PRKCH: variants seen among roughly 807,000 people sequenced by gnomAD.
PRKCH encodes protein kinase C eta.
A neutral mutation model predicts 82.5 loss-of-function variants in PRKCH; 28 were observed. The ratio of observed to expected loss-of-function variants is 0.34; its 90% CI spans 0.25 to 0.47. PRKCH has a LOEUF of 0.47. Among genes scored for constraint, PRKCH ranks in the 20% least tolerant of loss-of-function variants. The probability of loss-of-function intolerance (pLI) is 1.00; values close to 1 mark genes in which losing one functional copy is unlikely to be tolerated. For synonymous variants in PRKCH, 322 were observed against 327.4 expected (o/e 0.98, Z 0.18); for missense variants, 705 against 881.8 (o/e 0.80, Z 2.54).
chr14:61,189,922 T>A (rs1377906826), intron 1 of PRKCH, among the ~76,000 whole-genome samples: 2 of 152,158 alleles, frequency 1.3e-5, no homozygotes, highest in African/African-American at 4.8e-5. Flanking sequence ...GATAGCCCTG[T>A]TTCTTTCTCT....
chr14:61,205,340 A>C (rs764781456), intron 1 of PRKCH, among the ~76,000 whole-genome samples: 8 of 152,200 alleles, frequency 5.3e-5, no homozygotes, highest in Non-Finnish European at 1.0e-4. Flanking sequence ...TTCTGACAGG[A>C]AACAGAAGTA....
chr14:61,515,044 G>A (rs1175314982), intron 10 of PRKCH, among the ~76,000 whole-genome samples: 2 of 152,144 alleles, frequency 1.3e-5, no homozygotes, highest in East Asian at 3.8e-4. Context: ...ATTTATCACA[G>A]AGTTGTTTAT....
chr14:61,327,562 C>G (rs2045714603), intron 1 of PRKCH, among the ~76,000 whole-genome samples: 1 of 152,234 alleles, frequency 6.6e-6, no homozygotes, highest in African/African-American at 2.4e-5. Context: ...CTTCTCATCA[C>G]AAACAGGTTG....
At chr14:61,470,254 G>A (rs1885439937) in intron 9 of PRKCH, among the ~76,000 whole-genome samples, 1 of 151,976 alleles carries the variant, frequency 6.6e-6, no homozygotes, top group Non-Finnish European at 1.5e-5. Context: ...TATTATAGGG[G>A]TTGGGAGGTT....
intron 1 of PRKCH, among the ~76,000 whole-genome samples, chr14:61,272,345 T>A (rs1208945197): frequency 1.4e-3 from 6 of 4,414 alleles, no homozygotes; most frequent in African/African-American, 3.7e-3. Flanking sequence ...TTTTTCTTTC[T>A]TTTTTTTTTT....
rs113433845 is a variant in PRKCH at position 61,287,820 on chromosome 14, G to A, written c.-19+100152G>A. ...GGAGGGGGACACCATGACAGTGTCTGTGGAGCCAGCCAATCTTTTGAGGCT... is the reference window on the plus strand; with the variant it reads ...GGAGGGGGACACCATGACAGTGTCTATGGAGCCAGCCAATCTTTTGAGGCT... On this transcript the variant is annotated intron_variant, in intron 1 of 3. Transcript: ENST00000555185. Among the ~76,000 whole-genome samples, 774 of 152,262 alleles carry A rather than the reference G, an allele frequency of 5.1e-3. 6 individuals carry two copies. Among genetic ancestry groups the A allele is most frequent in the African/African-American group, 0.018 (728 of 41,552 alleles).
At chr14:61,260,578 C>T (rs1455636246) in intron 1 of PRKCH, among the ~76,000 whole-genome samples, 2 of 152,170 alleles carry the variant, frequency 1.3e-5, no homozygotes, top group African/African-American at 2.4e-5. Flanking sequence ...AGCCATTAAA[C>T]TTTCAGTTGG....
At chr14:61,430,490 A>C (rs961658749) in intron 2 of PRKCH, among the ~76,000 whole-genome samples, 5 of 152,248 alleles carry the variant, frequency 3.3e-5, no homozygotes, top group Admixed American at 6.5e-5. Context: ...CTGTCAATAG[A>C]AAAGCAGATG....
At chr14:61,467,319 A>G (rs1885304565) in intron 9 of PRKCH, among the ~76,000 whole-genome samples, 1 of 152,234 alleles carries the variant, frequency 6.6e-6, no homozygotes, top group African/African-American at 2.4e-5. Context: ...CTGTTGGCCA[A>G]CGTACCTTTA....
At chr14:61,522,012 C>T (rs1338388872) in intron 10 of PRKCH, among the ~76,000 whole-genome samples, 1 of 152,178 alleles carries the variant, frequency 6.6e-6, no homozygotes, top group Non-Finnish European at 1.5e-5. Context: ...ACCAGCCTTC[C>T]CTTTGACATC....
chr14:61,236,688 C>T (rs1726552486), intron 1 of PRKCH, among the ~76,000 whole-genome samples: 1 of 112,958 alleles, frequency 8.9e-6, no homozygotes. Context: ...GCCTGGGCGA[C>T]AGAGAAGACC....
chr14:61,477,763 G>T (rs377495446), intron 9 of PRKCH, among the ~76,000 whole-genome samples: 2 of 152,130 alleles, frequency 1.3e-5, no homozygotes, highest in South Asian at 4.1e-4. Context: ...GTCCTTACCC[G>T]GTCAAGGCCA....
At chr14:61,190,123 TA>T (rs1207821972) in intron 1 of PRKCH, among the ~76,000 whole-genome samples, 1 of 152,202 alleles carries the variant, frequency 6.6e-6, no homozygotes, top group Non-Finnish European at 1.5e-5. Flanking sequence ...ATTGGGCTGA[TA>T]AAATATATTA....
intron 10 of PRKCH, among the ~76,000 whole-genome samples, chr14:61,526,192 C>T (rs2042964177): frequency 6.6e-6 from 1 of 152,186 alleles, no homozygotes; most frequent in Admixed American, 6.5e-5. Flanking sequence ...GAGGAAGCAG[C>T]TTCCACAAAT....
chr14:61,232,970 A>G (rs1418315133), intron 1 of PRKCH, among the ~76,000 whole-genome samples: 2 of 152,202 alleles, frequency 1.3e-5, no homozygotes, highest in East Asian at 3.8e-4. Context: ...CAGAGACCAA[A>G]TATATATTTC....
chr14:61,371,149 A>G (rs2046360393), intron 1 of PRKCH, among the ~76,000 whole-genome samples: 1 of 152,080 alleles, frequency 6.6e-6, no homozygotes, highest in African/African-American at 2.4e-5. Context: ...TTTTATTTAA[A>G]AGCATTTTCT....
rs545397343 is a variant in PRKCH at position 61,296,730 on chromosome 14, CAT to C, written c.-19+109065_-19+109066del. On this transcript the variant is annotated intron_variant, in intron 1 of 3. Transcript: ENST00000555185. ...CCTCCCTTTAAAAAACTATCCTAAA[CAT>C]ATTATTTCATCCAAGGTATTTCTAA... Among the ~76,000 whole-genome samples the C allele has an allele frequency of 1.3e-4, 20 of 152,272 alleles. 1 individual carries two copies. In the South Asian group the frequency reaches 3.5e-3, roughly 27 times the overall value.
At position 61,391,219 on chromosome 14, in the gene PRKCH, T is replaced by C. The variant is rs373370921; in HGVS notation, c.364-6T>C. ...ATATAATATACATTTTTTTTTCTCTTTGTAGGTGGATCTCGAGCCAGAGGG... is the reference window on the plus strand; with the variant it reads ...ATATAATATACATTTTTTTTTCTCTCTGTAGGTGGATCTCGAGCCAGAGGG... On this transcript the variant is annotated splice_region_variant and splice_polypyrimidine_tract_variant and intron_variant, in intron 1 of 13. Transcript: ENST00000332981. 6.2e-7 allele frequency: 1 copy of C among 1,607,124 alleles called. No individual in the cohort carries two copies. The highest frequency in any genetic ancestry group is 1.3e-5 in the African/African-American group (1 of 74,558).
intron 2 of PRKCH, among the ~76,000 whole-genome samples, chr14:61,437,978 G>GT (rs1178430632): frequency 6.6e-6 from 1 of 152,090 alleles, no homozygotes; most frequent in East Asian, 1.9e-4. Context: ...GTAGTGTGAA[G>GT]TAAGGGTTTT....
Sources: allele counts gnomAD v4.1 joint callset (sites outside exome capture counted in the v4.1 genomes callset), GRCh38; gene constraint gnomAD v4.1.1; transcripts MANE v1.5; gene names NCBI Gene and HGNC (gene_info 2026-07-23, HGNC 2026-07-21).